The following AUTS2 variants were observed in gnomAD, a reference collection of about 807,000 sequenced individuals.
AUTS2 encodes activator of transcription and developmental regulator AUTS2.
A neutral mutation model predicts 112.4 loss-of-function variants in AUTS2; 17 were observed. The ratio of observed to expected loss-of-function variants is 0.15; its 90% CI spans 0.10 to 0.23. AUTS2 has a LOEUF of 0.23. Ranked by LOEUF, AUTS2 falls within the 10% of genes least tolerant of loss-of-function variation. AUTS2 has a pLI of 1.00. For missense variants in AUTS2, 1,510 were observed against 1,701.6 expected (o/e 0.89, Z 1.98); for synonymous variants, 751 against 702.7 (o/e 1.07, Z -1.09).
intron 1 of AUTS2, among the ~76,000 whole-genome samples, chr7:69,612,086 C>T (rs1266370746): frequency 2.0e-5 from 3 of 152,136 alleles, no homozygotes; most frequent in East Asian, 3.9e-4. Context: ...TAGTTGTTTC[C>T]AGAATCACTG....
intron 4 of AUTS2, among the ~76,000 whole-genome samples, chr7:70,388,199 T>C (rs1163200432): frequency 6.6e-6 from 1 of 152,202 alleles, no homozygotes; most frequent in Non-Finnish European, 1.5e-5. Context: ...CTTAGAACAG[T>C]ATTTCTCTCT....
At chr7:70,164,045 G>A (rs930032294) in intron 4 of AUTS2, among the ~76,000 whole-genome samples, 52 of 152,308 alleles carry the variant, frequency 3.4e-4, no homozygotes, top group African/African-American at 1.2e-3. Flanking sequence ...TTATGTGCAG[G>A]TCCTACTTAG....
At chr7:70,207,150 G>A (rs1432358957) in intron 4 of AUTS2, among the ~76,000 whole-genome samples, 1 of 152,156 alleles carries the variant, frequency 6.6e-6, no homozygotes, top group African/African-American at 2.4e-5. Context: ...CCAGGAGTCA[G>A]ATATCTTACT....
intron 4 of AUTS2, among the ~76,000 whole-genome samples, chr7:70,390,222 C>T (rs1793792627): frequency 6.6e-6 from 1 of 152,204 alleles, no homozygotes; most frequent in Non-Finnish European, 1.5e-5. Context: ...GGTTCTCAGA[C>T]TTTGACATGC....
chr7:69,604,408 G>T (rs1022248986), intron 1 of AUTS2, among the ~76,000 whole-genome samples: 1 of 152,202 alleles, frequency 6.6e-6, no homozygotes, highest in Non-Finnish European at 1.5e-5. Context: ...TAAATCTAGC[G>T]TTTTGAGAAA....
At chr7:69,626,601 T>G (rs959446332) in intron 1 of AUTS2, among the ~76,000 whole-genome samples, 3 of 152,154 alleles carry the variant, frequency 2.0e-5, no homozygotes, top group African/African-American at 7.2e-5. Flanking sequence ...ATTATATAAA[T>G]CATATGCATA....
intron 2 of AUTS2, among the ~76,000 whole-genome samples, chr7:70,085,277 G>A (rs1014446475): frequency 3.3e-5 from 5 of 151,776 alleles, no homozygotes; most frequent in Non-Finnish European, 5.9e-5. Context: ...AAGGGTTACA[G>A]TTTTAACTTT....
chr7:70,605,314 AGACGAATT>A (rs1212045429), intron 5 of AUTS2, among the ~76,000 whole-genome samples: 1 of 152,152 alleles, frequency 6.6e-6, no homozygotes, highest in African/African-American at 2.4e-5. Context: ...CTGCTAAATG[AGACGAATT>A]GAAATAATGG....
intron 4 of AUTS2, among the ~76,000 whole-genome samples, chr7:70,236,641 T>A (rs1812343286): frequency 1.3e-5 from 2 of 152,222 alleles, no homozygotes; most frequent in African/African-American, 4.8e-5. Context: ...ATTTGATATC[T>A]TCAGTGAAAA....
In AUTS2 at chr7:70,790,589, A is replaced by AGCC. The variant is rs777720857; in HGVS notation, c.3374_3376dup (p.Ser1125_His1126insArg). ...CAGGGACCGGGAGCCTCACGACTAC[A>AGCC]GCCACCACCACCACCACCACCACCA... On this transcript the variant is annotated inframe_insertion, in exon 19 of 19. Coordinates refer to ENST00000342771, the MANE Select transcript of AUTS2 (RefSeq NM_015570.4). The surrounding 1 kb of genome is among the most constrained non-coding windows in gnomAD (Gnocchi z 7.6). The AGCC allele has an allele frequency of 4.9e-5, 78 of 1,600,320 alleles. No individual in the cohort carries two copies. Among genetic ancestry groups the AGCC allele is most frequent in the Non-Finnish European group, 5.8e-5 (68 of 1,174,988 alleles).
At position 69,978,206 on chromosome 7, in the gene AUTS2, T is replaced by C. The variant is rs193227458; in HGVS notation, c.522+78708T>C. On this transcript the variant is annotated intron_variant, in intron 2 of 18. Transcript: ENST00000342771. The stretch of plus-strand genomic sequence containing the variant: ...CAGCTCCAGTTTAAGTTTACCTTGC[T>C]TTAGATAAATTGTATTATCACTAAC... Among the ~76,000 whole-genome samples, 15 of 152,352 alleles carry C rather than the reference T, an allele frequency of 9.8e-5. No individual in the cohort carries two copies. In the East Asian group the frequency reaches 2.7e-3, roughly 27 times the overall value.
At chr7:69,841,267 C>T (rs1483603529) in intron 1 of AUTS2, among the ~76,000 whole-genome samples, 2 of 152,150 alleles carry the variant, frequency 1.3e-5, no homozygotes, top group Non-Finnish European at 2.9e-5. Context: ...TTGCAGGAAG[C>T]ATGGTGCTGG....
chr7:70,022,066 A>G (rs1360212805), intron 2 of AUTS2, among the ~76,000 whole-genome samples: 1 of 150,710 alleles, frequency 6.6e-6, no homozygotes, highest in African/African-American at 2.4e-5. Context: ...ACTTAATAGC[A>G]TGTTTTACAT....
In AUTS2 at chr7:70,222,922, C is replaced by G. The variant is rs373073295; in HGVS notation, c.660+88351C>G. 5.4e-4 allele frequency among the ~76,000 whole-genome samples: 81 copies of G among 150,962 alleles called. No individual in the cohort carries two copies. The East Asian group carries it at 9.2e-3, about 17-fold the overall frequency. On this transcript the variant is annotated intron_variant, in intron 4 of 18. Coordinates refer to ENST00000342771, the MANE Select transcript of AUTS2 (RefSeq NM_015570.4). ...TTTTTTTTTGAGACAAAGTCTCGCC[C>G]TGTCACCCAGGCTGGAGTGCAATGG...
chr7:70,219,720 T>TA (rs1202130325), intron 4 of AUTS2, among the ~76,000 whole-genome samples: 1 of 151,916 alleles, frequency 6.6e-6, no homozygotes, highest in Non-Finnish European at 1.5e-5. Context: ...TACAGGTGCT[T>TA]ACCACCATAC....
intron 5 of AUTS2, among the ~76,000 whole-genome samples, chr7:70,444,950 A>G (rs1190429270): frequency 6.6e-6 from 1 of 152,186 alleles, no homozygotes; most frequent in Non-Finnish European, 1.5e-5. Context: ...TATAGATGCT[A>G]CTAATGTCTT....
chr7:70,785,560 A>AT, intron 16 of AUTS2: 1 of 461,406 alleles, frequency 2.2e-6, no homozygotes, highest in South Asian at 1.6e-5. Flanking sequence ...ACATCAGGGC[A>AT]TATCATAGGC....
chr7:70,671,400 G>A (rs1456041441), intron 5 of AUTS2, among the ~76,000 whole-genome samples: 1 of 152,196 alleles, frequency 6.6e-6, no homozygotes, highest in Non-Finnish European at 1.5e-5. Context: ...TAAAAGGATA[G>A]CCCTAGCCCC....
intron 5 of AUTS2, among the ~76,000 whole-genome samples, chr7:70,599,501 G>C (rs529130967): frequency 6.6e-6 from 1 of 152,206 alleles, no homozygotes; most frequent in Non-Finnish European, 1.5e-5. Context: ...CAAGGAGCCT[G>C]TTAGAAATGC....
Sources: gnomAD v4.1 joint callset for allele counts (sites outside exome capture counted in the v4.1 genomes callset) on GRCh38, gnomAD v4.1.1 for gene constraint, Gnocchi (gnomAD v3.1) non-coding constraint, MANE v1.5 for transcripts, NCBI Gene and HGNC (gene_info 2026-07-23, HGNC 2026-07-21) for gene names.